The following DIAPH2 variants were observed in gnomAD, a reference collection of about 807,000 sequenced individuals.
DIAPH2 encodes the protein diaphanous related formin 2.
A neutral mutation model predicts 92.7 loss-of-function variants in DIAPH2; 35 were observed. The observed-to-expected ratio is 0.38, with a 90% CI of 0.29 to 0.50. DIAPH2 has a LOEUF of 0.50. DIAPH2 is among the 20% of genes least tolerant of loss of function. DIAPH2 has a pLI of 0.94. For synonymous variants in DIAPH2, 301 were observed against 280.4 expected, an observed-to-expected ratio of 1.07 and a Z score of -0.73; for missense variants, 701 against 819.5, an observed-to-expected ratio of 0.86 and a Z score of 1.77.
intron 13 of DIAPH2, among the ~76,000 whole-genome samples, chrX:96,943,257 C>A (rs1164238553): frequency 1.8e-5 from 2 of 111,356 alleles, no homozygotes; most frequent in East Asian, 5.6e-4. Context: ...CCAGTCCTTT[C>A]TTTTTGTGCG....
chrX:97,197,533 C>T (rs1303252921), intron 22 of DIAPH2, among the ~76,000 whole-genome samples: 1 of 112,166 alleles, frequency 8.9e-6, no homozygotes, highest in Non-Finnish European at 1.9e-5. Flanking sequence ...AAACTTCCTT[C>T]AGACATCTAA....
chrX:96,914,280 C>T (rs1448448577), intron 7 of DIAPH2, among the ~76,000 whole-genome samples: 1 of 110,766 alleles, frequency 9.0e-6, no homozygotes, highest in African/African-American at 3.3e-5. Context: ...CAGATTTTCT[C>T]AAAATCTGGG....
At chrX:97,332,922 G>A (rs1417365016) in intron 23 of DIAPH2, among the ~76,000 whole-genome samples, 1 of 111,901 alleles carries the variant, frequency 8.9e-6, no homozygotes, top group African/African-American at 3.2e-5. Context: ...AATAAAACTA[G>A]ATTCCCCAGG....
chrX:97,020,084 A>G lies in DIAPH2; in HGVS notation c.2051-52857A>G, dbSNP rs139220242. 7.8e-3 allele frequency among the ~76,000 whole-genome samples: 885 copies of G among 112,819 alleles called. 7 individuals carry two copies. Among genetic ancestry groups the G allele is most frequent in the African/African-American group, 0.026 (824 of 31,098 alleles). On this transcript the variant is annotated intron_variant, in intron 17 of 26. Transcript: ENST00000324765. ...GGAAAATTCAAGCTCTTGGCTATGC[A>G]GTGCTGCAGTTGACCCATTCACTTC...
intron 7 of DIAPH2, among the ~76,000 whole-genome samples, chrX:96,914,409 A>G (rs766695106): frequency 1.6e-3 from 174 of 111,448 alleles, no homozygotes; most frequent in Admixed American, 3.3e-3. Flanking sequence ...ACAATGACAT[A>G]ATGGAAAGAT....
At chrX:97,334,686 AC>A (rs1488579528) in intron 23 of DIAPH2, among the ~76,000 whole-genome samples, 8 of 102,804 alleles carry the variant, frequency 7.8e-5, no homozygotes, top group African/African-American at 2.8e-4. Flanking sequence ...ACAAAACAAA[AC>A]AAAAAAAAAA....
At chrX:97,435,802 C>CT (rs2070177918) in intron 26 of DIAPH2, among the ~76,000 whole-genome samples, 1 of 102,701 alleles carries the variant, frequency 9.7e-6, no homozygotes, top group Non-Finnish European at 2.0e-5. Context: ...TTTTTTTTTT[C>CT]TTTTTTTCCT....
At chrX:97,009,075 T>G (rs915682685) in intron 17 of DIAPH2, among the ~76,000 whole-genome samples, 2 of 109,740 alleles carry the variant, frequency 1.8e-5, no homozygotes, top group Non-Finnish European at 3.8e-5. Flanking sequence ...GGGCCTGGAG[T>G]TGGTAACCTT....
At chrX:97,065,566 C>T (rs926284356) in intron 17 of DIAPH2, among the ~76,000 whole-genome samples, 2 of 111,146 alleles carry the variant, frequency 1.8e-5, no homozygotes, top group Admixed American at 9.6e-5. Flanking sequence ...AAGTATAGCA[C>T]GTACAATTGT....
intron 17 of DIAPH2, among the ~76,000 whole-genome samples, chrX:97,011,876 A>G (rs1401808418): frequency 2.3e-5 from 2 of 86,774 alleles, no homozygotes; most frequent in Admixed American, 2.6e-4. Context: ...TGGTTGACAG[A>G]GCAAGACACT....
chrX:97,525,537 T>C (rs1218325277), intron 26 of DIAPH2, among the ~76,000 whole-genome samples: 1 of 112,224 alleles, frequency 8.9e-6, no homozygotes, highest in Non-Finnish European at 1.9e-5. Flanking sequence ...AGTGAGCTCA[T>C]TGGGAGCATG....
intron 22 of DIAPH2, among the ~76,000 whole-genome samples, chrX:97,232,284 G>A (rs2068015212): frequency 9.0e-6 from 1 of 111,657 alleles, no homozygotes; most frequent in South Asian, 3.8e-4. Context: ...ACCCAGGCTG[G>A]AGTGTAGTGG....
At chrX:97,169,052 G>GA (rs2067432900) in intron 22 of DIAPH2, among the ~76,000 whole-genome samples, 1 of 111,774 alleles carries the variant, frequency 8.9e-6, no homozygotes, top group East Asian at 2.8e-4. Flanking sequence ...TTGGAATTTT[G>GA]ACAGGACATT....
chrX:97,346,570 T>G (rs894118040), intron 23 of DIAPH2, among the ~76,000 whole-genome samples: 1 of 112,091 alleles, frequency 8.9e-6, no homozygotes, highest in African/African-American at 3.2e-5. Flanking sequence ...TATGGATTTA[T>G]TTAATATAAG....
At chrX:97,039,435 T>C (rs1451538913) in intron 17 of DIAPH2, among the ~76,000 whole-genome samples, 3 of 111,600 alleles carry the variant, frequency 2.7e-5, no homozygotes, top group African/African-American at 6.5e-5. Flanking sequence ...TTAAAATTAG[T>C]GGGACCGTTG....
intron 17 of DIAPH2, among the ~76,000 whole-genome samples, chrX:97,048,829 T>G (rs746422134): frequency 1.8e-5 from 2 of 111,379 alleles, no homozygotes; most frequent in African/African-American, 6.5e-5. Context: ...TGCAATGCAT[T>G]ACTTGGTGCT....
At chrX:97,585,826 A>G (rs776859420) in intron 26 of DIAPH2, among the ~76,000 whole-genome samples, 1 of 111,811 alleles carries the variant, frequency 8.9e-6, no homozygotes, top group African/African-American at 3.2e-5. Flanking sequence ...AATGACCTCC[A>G]TATTTCTAAA....
At chrX:97,525,207 T>C (rs753153712) in intron 26 of DIAPH2, among the ~76,000 whole-genome samples, 17 of 111,964 alleles carry the variant, frequency 1.5e-4, no homozygotes, top group Non-Finnish European at 2.6e-4. Flanking sequence ...ATTGTCCTAT[T>C]CCCATGTTTT....
At chrX:97,168,089 CTTT>C (rs59856390) in intron 22 of DIAPH2, among the ~76,000 whole-genome samples, 5 of 96,686 alleles carry the variant, frequency 5.2e-5, no homozygotes, top group Admixed American at 1.1e-4. Context: ...ATTAGACAGT[CTTT>C]TTTTTTTTTT....
Sources: gnomAD v4.1 joint callset for allele counts (sites outside exome capture counted in the v4.1 genomes callset) on GRCh38, gnomAD v4.1.1 for gene constraint, MANE v1.5 for transcripts, NCBI Gene and HGNC (gene_info 2026-07-23, HGNC 2026-07-21) for gene names.